The following ELAVL4 variants were observed in gnomAD, a reference collection of about 807,000 sequenced individuals.
ELAVL4 encodes the protein ELAV like RNA binding protein 4, also known as ELAV-like protein 4.
ELAVL4 carries 1 observed loss-of-function variant against 35.6 expected under a neutral mutation model. That is an observed-to-expected ratio of 0.03 (90% confidence interval 0.01 to 0.13). ELAVL4 has a LOEUF of 0.13. Ranked by LOEUF, ELAVL4 falls within the 10% of genes least tolerant of loss-of-function variation. The pLI, the probability that ELAVL4 is intolerant of heterozygous loss-of-function variation, is 1.00. For synonymous variants in ELAVL4, 156 were observed against 171.0 expected (o/e 0.91, Z 0.69); for missense variants, 267 against 464.9 (o/e 0.57, Z 3.91).
chr1:50,151,669 G>T (rs1327627142), intron 2 of ELAVL4, among the ~76,000 whole-genome samples: 1 of 152,166 alleles, frequency 6.6e-6, no homozygotes, highest in Non-Finnish European at 1.5e-5. Context: ...AGCATATTTT[G>T]CTGCTGATTT....
chr1:50,145,013 T>C lies in ELAVL4; in HGVS notation c.66T>C (p.Asn22=). The C allele has an allele frequency of 6.2e-7, 1 of 1,613,944 alleles. No individual in the cohort carries two copies. The highest frequency in any genetic ancestry group is 8.5e-7 in the Non-Finnish European group (1 of 1,179,944). ...ATGGTCCGACATCCAATACAAGCAA[T>C]GGACCCTCCAGCAACAACAGAAACT... ...VSNGPTSNTS[N]GPSSNNRNCP... Residue 22 remains asparagine, a synonymous_variant, in exon 2 of 7, where the codon AAT becomes AAC. Transcript: ENST00000371824.
chr1:50,085,879 A>G (rs1351667415), intron 1 of ELAVL4, among the ~76,000 whole-genome samples: 4 of 152,210 alleles, frequency 2.6e-5, no homozygotes, highest in Non-Finnish European at 5.9e-5. Context: ...GGGGAGATAG[A>G]TGCAGAGATA....
At chr1:50,089,821 G>T (rs528735358) in intron 1 of ELAVL4, among the ~76,000 whole-genome samples, 1 of 152,240 alleles carries the variant, frequency 6.6e-6, no homozygotes, top group South Asian at 2.1e-4. Context: ...GTGGGCTTGG[G>T]GAATGAGGTG....
rs577746460 is a variant in ELAVL4 at position 50,087,526 on chromosome 1, G to A, written c.18+39344G>A. ...TTTAATTTTTATAAATTTCACCTTA[G>A]CGATGTGACCTAAAATGTAACCACC... is the stretch of plus-strand genomic sequence containing the variant. On this transcript the variant is annotated intron_variant, in intron 1 of 6. Transcript: ENST00000448907. Among the ~76,000 whole-genome samples, 8 of 152,178 alleles carry A rather than the reference G, an allele frequency of 5.3e-5. No individual in the cohort carries two copies. In the South Asian group the frequency reaches 1.5e-3, roughly 28 times the overall value.
chr1:50,157,189 G>A (rs1367965438), intron 2 of ELAVL4, among the ~76,000 whole-genome samples: 1 of 152,096 alleles, frequency 6.6e-6, no homozygotes, highest in Non-Finnish European at 1.5e-5. Context: ...TAAAGTGGAA[G>A]GATCCACTAA....
At chr1:50,049,462 A>C (rs1663240228) in intron 1 of ELAVL4, among the ~76,000 whole-genome samples, 1 of 152,220 alleles carries the variant, frequency 6.6e-6, no homozygotes, top group Admixed American at 6.5e-5. Flanking sequence ...TTGAGTTTAA[A>C]ACACTGAATA....
intron 5 of ELAVL4, 113 bp downstream of exon 5, chr1:50,195,899 G>C: frequency 8.1e-7 from 1 of 1,241,688 alleles, no homozygotes. Flanking sequence ...TCCACCCCCA[G>C]GAATCACTGT....
chr1:50,114,746 G>A (rs1199058130), intron 1 of ELAVL4, among the ~76,000 whole-genome samples: 1 of 152,072 alleles, frequency 6.6e-6, no homozygotes, highest in African/African-American at 2.4e-5. Flanking sequence ...GATGCTAGCT[G>A]GGGGCACCAC....
chr1:50,101,318 A>G (rs115383710), upstream of ELAVL4, among the ~76,000 whole-genome samples: 53 of 152,290 alleles, frequency 3.5e-4, no homozygotes, highest in East Asian at 1.9e-3. Flanking sequence ...TGGGGACCCA[A>G]TCAGGTACTC....
chr1:50,165,814 AT>A lies in ELAVL4; in HGVS notation c.251-11274del, dbSNP rs1677794461. On this transcript the variant is annotated intron_variant, in intron 2 of 6. Coordinates refer to ENST00000371824, the MANE Select transcript of ELAVL4 (RefSeq NM_001144774.3). ...TATATATGTGTATATGTGTGTGTGT[AT>A]ATATATATGTGTGTGTGTATATATA... Among the ~76,000 whole-genome samples, 4 of 150,598 alleles carry A rather than the reference AT, an allele frequency of 2.7e-5. No individual in the cohort carries two copies. In the Admixed American group the frequency reaches 2.7e-4, roughly 10 times the overall value.
At chr1:50,156,656 G>GGTACACATTA (rs1675812842) in intron 2 of ELAVL4, among the ~76,000 whole-genome samples, 1 of 152,150 alleles carries the variant, frequency 6.6e-6, no homozygotes, top group Admixed American at 6.5e-5. Flanking sequence ...ATCTACAGTA[G>GGTACACATTA]GTACACATTA....
intron 1 of ELAVL4, among the ~76,000 whole-genome samples, chr1:50,125,874 T>A (rs1313047688): frequency 6.6e-6 from 1 of 152,038 alleles, no homozygotes; most frequent in African/African-American, 2.4e-5. Context: ...GGTGTTTTTT[T>A]CCTTCACTTA....
intron 3 of ELAVL4, among the ~76,000 whole-genome samples, chr1:50,188,182 T>C (rs975337734): frequency 5.3e-5 from 8 of 152,188 alleles, no homozygotes; most frequent in Non-Finnish European, 1.0e-4. Flanking sequence ...ATACATTGAA[T>C]GGTCGGCTGT....
At chr1:50,055,093 C>A (rs528711459) in intron 1 of ELAVL4, among the ~76,000 whole-genome samples, 2 of 152,150 alleles carry the variant, frequency 1.3e-5, no homozygotes, top group Non-Finnish European at 2.9e-5. Context: ...TTAAATCCTG[C>A]GCAATTTCCC....
intron 1 of ELAVL4, among the ~76,000 whole-genome samples, chr1:50,069,754 T>G (rs1287033499): frequency 6.6e-6 from 1 of 152,180 alleles, no homozygotes; most frequent in Admixed American, 6.5e-5. Context: ...ACAAATTCTC[T>G]TATTAAGCCC....
At chr1:50,176,737 T>A (rs1280944322) in intron 2 of ELAVL4, among the ~76,000 whole-genome samples, 1 of 152,162 alleles carries the variant, frequency 6.6e-6, no homozygotes, top group East Asian at 1.9e-4. Flanking sequence ...CCAGTTTAAG[T>A]CTCTTCTGAC....
chr1:50,149,224 C>T (rs539022000), intron 2 of ELAVL4, among the ~76,000 whole-genome samples: 32 of 151,930 alleles, frequency 2.1e-4, no homozygotes, highest in African/African-American at 7.7e-4. Context: ...ATGGTGAAAC[C>T]CCGTCTCTAC....
At position 50,174,965 on chromosome 1, in the gene ELAVL4, T is replaced by G. The variant is rs1367409949; in HGVS notation, c.251-2124T>G. ...GCTGTTAAGTGGTGTTTTGTTTATA[T>G]TTTTCATAATTTATTTTAATTTTAC... On this transcript the variant is annotated intron_variant, in intron 2 of 6. Coordinates refer to ENST00000371824, the MANE Select transcript of ELAVL4 (RefSeq NM_001144774.3). 2.0e-5 allele frequency among the ~76,000 whole-genome samples: 3 copies of G among 152,060 alleles called. No individual in the cohort carries two copies. In the East Asian group the frequency reaches 5.8e-4, roughly 29 times the overall value.
At chr1:50,054,594 G>T (rs1484758394) in intron 1 of ELAVL4, among the ~76,000 whole-genome samples, 1 of 151,842 alleles carries the variant, frequency 6.6e-6, no homozygotes, top group East Asian at 1.9e-4. Flanking sequence ...TTATAGGATA[G>T]ACCTTATAAT....
Sources: allele counts gnomAD v4.1 joint callset (sites outside exome capture counted in the v4.1 genomes callset), GRCh38; gene constraint gnomAD v4.1.1; transcripts MANE v1.5; gene names NCBI Gene and HGNC (gene_info 2026-07-23, HGNC 2026-07-21).